Variants in AKR1B15 observed in about 807,000 individuals in gnomAD.
AKR1B15 encodes aldo-keto reductase family 1 member B15.
Under a neutral mutation model 38.5 loss-of-function variants are expected in AKR1B15, and 49 were observed. That is an observed-to-expected ratio of 1.27 (90% CI 1.01 to 1.62). The LOEUF is 1.62. AKR1B15 is among the 40% of genes most tolerant of loss of function. AKR1B15 has a pLI of 0.00. For synonymous variants in AKR1B15, 137 were observed against 135.5 expected, an observed-to-expected ratio of 1.01 and a Z score of -0.08; for missense variants, 411 against 381.6, an observed-to-expected ratio of 1.08 and a Z score of -0.64.
intron 2 of AKR1B15, among the ~76,000 whole-genome samples, chr7:134,560,107 A>G (rs1794338703): frequency 8.2e-6 from 1 of 121,432 alleles, no homozygotes; most frequent in Non-Finnish European, 1.9e-5. Context: ...GACTCCACCT[A>G]AGAAAAAAAA....
chr7:134,551,587 G>A (rs186373444), intron 1 of AKR1B15, among the ~76,000 whole-genome samples: 4 of 152,218 alleles, frequency 2.6e-5, no homozygotes, highest in African/African-American at 7.2e-5. Context: ...TTCGACAATC[G>A]AGAATTTGAA....
At chr7:134,575,565 G>T (rs1794750967) in intron 7 of AKR1B15, 23 bp downstream of exon 7, 2 of 1,613,412 alleles carry the variant, frequency 1.2e-6, no homozygotes, top group East Asian at 2.2e-5. Context: ...CAGTTTAAGG[G>T]TAAGGGTCCT....
At position 134,575,430 on chromosome 7, in the gene AKR1B15, A is replaced by T; in HGVS notation, c.524A>T (p.Glu175Val). 1 of 1,613,766 alleles carries T rather than the reference A, an allele frequency of 6.2e-7. No individual in the cohort carries two copies. The highest frequency in any genetic ancestry group is 8.5e-7 in the Non-Finnish European group (1 of 1,179,780). ...TCCTTTCTATGATAGGCCATGGAGG[A>T]GCTGGTGGACGAGGGGCTGGTGAAA... is the stretch of plus-strand genomic sequence containing the variant. ...TFLDAWEAMEELVDEGLVKAL... is the reference protein window; with the variant it reads ...TFLDAWEAMEVLVDEGLVKAL... The change falls in exon 7 of 12, where the codon GAG (glutamate) becomes GTG (valine). Residue 175 changes from glutamate to valine, a missense_variant. By Grantham distance (121) the Glu-to-Val change is moderately radical. This residue lies in a region of AKR1B15 where 254 missense variants were observed against 212.4 expected (regional missense o/e 1.20). Coordinates refer to ENST00000457545, the MANE Select transcript of AKR1B15 (RefSeq NM_001080538.3).
Position 134,579,736 on chromosome 7 carries a change from A to C in AKR1B15, c.*187A>C. The stretch of plus-strand genomic sequence containing the variant: ...TATGTTCAACTAGGATAAGAATATC[A>C]CAGAAAAGCATGGCCTGAATAAGCA... On this transcript the variant is annotated 3_prime_UTR_variant, in exon 12 of 12. Transcript: ENST00000457545. 1 of 522,872 alleles carries C rather than the reference A, an allele frequency of 1.9e-6. No homozygotes were observed. 32.4% of individuals were successfully genotyped at this position (522,872 alleles called of 1,614,324 possible).
Position 134,577,066 on chromosome 7 carries a change from G to T in AKR1B15, c.909+20G>T. On this transcript the variant is annotated intron_variant, in intron 10 of 11. Coordinates refer to ENST00000457545, the MANE Select transcript of AKR1B15 (RefSeq NM_001080538.3). ...ATTCAGGTAAGTTTCCGGCTGGTCGGGCCTGGTATTCCTCAGTGGAGTGGG... is the reference window on the plus strand; with the variant it reads ...ATTCAGGTAAGTTTCCGGCTGGTCGTGCCTGGTATTCCTCAGTGGAGTGGG... The T allele has an allele frequency of 6.2e-7, 1 of 1,602,550 alleles. No individual in the cohort carries two copies. Among genetic ancestry groups the T allele is most frequent in the Non-Finnish European group, 8.5e-7 (1 of 1,169,726 alleles).
chr7:134,571,217 A>G (rs555258016), intron 5 of AKR1B15, among the ~76,000 whole-genome samples: 23 of 152,258 alleles, frequency 1.5e-4, no homozygotes, highest in South Asian at 2.1e-4. Flanking sequence ...GGCTGCAAGG[A>G]TAGAAGTTGG....
Position 134,571,998 on chromosome 7 carries a change from T to C in AKR1B15, c.513+317T>C, listed in dbSNP as rs547713908. On this transcript the variant is annotated intron_variant, in intron 6 of 11. Transcript: ENST00000457545. ...TGGGCCTGGGTTTGCTCATAGCAGC[T>C]GAGTAACCTAGGGTCAGTTTTGTAA... 6.4e-4 allele frequency among the ~76,000 whole-genome samples: 97 copies of C among 152,318 alleles called. 1 individual carries two copies. The highest frequency in any genetic ancestry group is 3.5e-3 in the South Asian group (17 of 4,828).
intron 6 of AKR1B15, among the ~76,000 whole-genome samples, chr7:134,575,151 ATG>A (rs2117669198): frequency 6.6e-6 from 1 of 152,210 alleles, no homozygotes; most frequent in Admixed American, 6.5e-5. Context: ...ATAATTTTTT[ATG>A]TGTTTCTTTA....
intron 3 of AKR1B15, among the ~76,000 whole-genome samples, chr7:134,567,766 A>G (rs562455502): frequency 6.6e-6 from 1 of 152,208 alleles, no homozygotes; most frequent in South Asian, 2.1e-4. Flanking sequence ...CATCTGCACC[A>G]CCACACACCT....
intron 4 of AKR1B15, 66 bp from the exon 5 acceptor site, chr7:134,569,347 G>A (rs975625524): frequency 1.3e-6 from 2 of 1,578,416 alleles, no homozygotes; most frequent in East Asian, 2.2e-5. Flanking sequence ...AAAAAGCAGG[G>A]ACAATGAGTA....
chr7:134,572,269 G>T (rs1259713957), intron 6 of AKR1B15, among the ~76,000 whole-genome samples: 1 of 152,116 alleles, frequency 6.6e-6, no homozygotes, highest in African/African-American at 2.4e-5. Context: ...TGGCAGAGCT[G>T]GGATTAGACC....
At chr7:134,566,025 G>C (rs1794526068) in intron 3 of AKR1B15, among the ~76,000 whole-genome samples, 1 of 152,204 alleles carries the variant, frequency 6.6e-6, no homozygotes, top group Non-Finnish European at 1.5e-5. Flanking sequence ...TGGGTGTGGT[G>C]GCTCATGCCT....
At chr7:134,571,107 T>C (rs1794658418) in intron 5 of AKR1B15, among the ~76,000 whole-genome samples, 1 of 152,220 alleles carries the variant, frequency 6.6e-6, no homozygotes, top group Non-Finnish European at 1.5e-5. Context: ...TGCTCTTACC[T>C]GCTCCTGAGG....
At chr7:134,569,558 A>G (rs1387367793) in intron 5 of AKR1B15, 29 bp downstream of exon 5, 3 of 1,612,320 alleles carry the variant, frequency 1.9e-6, no homozygotes, top group Non-Finnish European at 8.5e-7. Flanking sequence ...CTCAGCCTCT[A>G]GTTTCTGAGC....
chr7:134,561,344 A>C (rs1351870393), intron 2 of AKR1B15, among the ~76,000 whole-genome samples: 1 of 152,086 alleles, frequency 6.6e-6, no homozygotes, highest in Non-Finnish European at 1.5e-5. Context: ...AGCAGCTGGG[A>C]CTACAGATAC....
intron 6 of AKR1B15, among the ~76,000 whole-genome samples, chr7:134,573,722 T>G (rs1401030189): frequency 6.6e-6 from 1 of 152,202 alleles, no homozygotes; most frequent in Non-Finnish European, 1.5e-5. Context: ...TTTGGGAAAC[T>G]TATGATTTCA....
In AKR1B15 at chr7:134,575,490, T is replaced by C. The variant is rs373724981; in HGVS notation, c.584T>C (p.Ile195Thr). 3.7e-6 allele frequency: 6 copies of C among 1,613,782 alleles called. No individual in the cohort carries two copies. The African/African-American group carries it at 5.3e-5, about 14-fold the overall frequency. ...GTCTCAAATTTCAACCACTTCCAGA[T>C]CGAGAGGCTCTTGAACAAACCTGGA... is the stretch of plus-strand genomic sequence containing the variant. ...LGVSNFNHFQIERLLNKPGLK... is the reference protein window; with the variant it reads ...LGVSNFNHFQTERLLNKPGLK... Residue 195 changes from isoleucine (I) to threonine (T), a missense_variant, in exon 7 of 12, where the codon ATC (isoleucine) becomes ACC (threonine). By Grantham distance (89) the Ile-to-Thr change is moderately conservative. This residue lies in a region of AKR1B15 where 254 missense variants were observed against 212.4 expected (regional missense o/e 1.20). Coordinates refer to ENST00000457545, the MANE Select transcript of AKR1B15 (RefSeq NM_001080538.3).
At chr7:134,563,416 TG>T (rs1255552078) in intron 2 of AKR1B15, among the ~76,000 whole-genome samples, 3 of 152,102 alleles carry the variant, frequency 2.0e-5, no homozygotes, top group Admixed American at 2.0e-4. Context: ...GGAGTGATGG[TG>T]GGTGCCTGTA....
Position 134,579,791 on chromosome 7 carries a change from G to T in AKR1B15, c.*242G>T. On this transcript the variant is annotated 3_prime_UTR_variant, in exon 12 of 12. Transcript: ENST00000457545. ...ACAATTTTTTCCACTTATCTGATCT[G>T]ATCAAATGTCTGTTAAGCACCAGAA... is the stretch of plus-strand genomic sequence containing the variant. 2.5e-6 allele frequency: 1 copy of T among 407,862 alleles called. No individual in the cohort carries two copies. The highest frequency in any genetic ancestry group is 4.3e-6 in the Non-Finnish European group (1 of 231,896). 25.3% of individuals were successfully genotyped at this position (407,862 alleles called of 1,614,324 possible).
Sources: gnomAD v4.1 joint callset for allele counts (sites outside exome capture counted in the v4.1 genomes callset) on GRCh38, gnomAD v4.1.1 for gene constraint, gnomAD v4.1.1 regional missense constraint, MANE v1.5 for transcripts, NCBI Gene and HGNC (gene_info 2026-07-23, HGNC 2026-07-21) for gene names.